Variants in GALNT1 observed in about 807,000 individuals in gnomAD.
GALNT1 encodes the protein GalNAc transferase 1.
A neutral mutation model predicts 65.7 loss-of-function variants in GALNT1; 17 were observed. That is an observed-to-expected ratio of 0.26 (90% CI 0.18 to 0.39). The LOEUF (loss-of-function observed/expected upper bound fraction) is 0.39, where lower values mean the gene tolerates loss of function less well. Among genes scored for constraint, GALNT1 ranks in the 10% least tolerant of loss-of-function variants. The pLI, the probability that GALNT1 is intolerant of heterozygous loss-of-function variation, is 1.00. For synonymous variants in GALNT1, 210 were observed against 219.7 expected, an observed-to-expected ratio of 0.96 and a Z score of 0.39; for missense variants, 460 against 672.8, an observed-to-expected ratio of 0.68 and a Z score of 3.50.
intron 9 of GALNT1, among the ~76,000 whole-genome samples, chr18:35,696,732 CAAAT>C (rs1214411724): frequency 6.6e-6 from 1 of 152,174 alleles, no homozygotes; most frequent in African/African-American, 2.4e-5. Flanking sequence ...AACTGAGACA[CAAAT>C]AAATGGTTTA....
chr18:35,673,928 G>A (rs1342903964), intron 3 of GALNT1, among the ~76,000 whole-genome samples: 2 of 152,078 alleles, frequency 1.3e-5, no homozygotes, highest in Non-Finnish European at 1.5e-5. Flanking sequence ...AACCTAGATG[G>A]TACAGCCTAC....
At chr18:35,692,130 T>TGTTA (rs1320178970) in intron 8 of GALNT1, 51 bp from the exon 9 acceptor site, 2 of 1,491,900 alleles carry the variant, frequency 1.3e-6, no homozygotes, top group East Asian at 4.6e-5. Flanking sequence ...TATAAACATG[T>TGTTA]GTTACCTAAA....
At chr18:35,624,064 C>T (rs1203343208) in intron 1 of GALNT1, among the ~76,000 whole-genome samples, 1 of 152,180 alleles carries the variant, frequency 6.6e-6, no homozygotes, top group East Asian at 1.9e-4. Context: ...AATTCTGCCT[C>T]CCTGGCATTG....
chr18:35,692,360 G>A, intron 9 of GALNT1, 40 bp downstream of exon 9: 5 of 1,262,690 alleles, frequency 4.0e-6, no homozygotes, highest in Non-Finnish European at 5.2e-6. Context: ...TGGTTATTAT[G>A]TTCTTACTTT....
At chr18:35,634,591 CAT>C (rs558357489) in intron 1 of GALNT1, among the ~76,000 whole-genome samples, 16 of 152,288 alleles carry the variant, frequency 1.1e-4, no homozygotes, top group African/African-American at 1.9e-4. Context: ...ATCGTGACAA[CAT>C]GTGTGAAATG....
chr18:35,618,162 G>T (rs1469540049), intron 1 of GALNT1, among the ~76,000 whole-genome samples: 3 of 151,680 alleles, frequency 2.0e-5, no homozygotes, highest in Non-Finnish European at 4.4e-5. Context: ...AGCATTATGT[G>T]CAGTACCATT....
intron 11 of GALNT1, 23 bp from the exon 12 acceptor site, chr18:35,709,601 T>A: frequency 1.2e-6 from 2 of 1,612,516 alleles, no homozygotes; most frequent in Non-Finnish European, 8.5e-7. Flanking sequence ...TCCACTCTCA[T>A]GTTAAGATTT....
chr18:35,606,238 C>A (rs1030331709), intron 1 of GALNT1, among the ~76,000 whole-genome samples: 9 of 152,194 alleles, frequency 5.9e-5, no homozygotes, highest in Admixed American at 1.3e-4. Context: ...CATGGCATTT[C>A]TGCTCACACT....
chr18:35,588,571 T>C (rs1035580649), intron 1 of GALNT1, among the ~76,000 whole-genome samples: 1 of 152,146 alleles, frequency 6.6e-6, no homozygotes, highest in African/African-American at 2.4e-5. Context: ...ATGACTGGAA[T>C]GTTCAGTCTT....
At chr18:35,618,590 T>TA (rs994123492) in intron 1 of GALNT1, among the ~76,000 whole-genome samples, 2 of 152,114 alleles carry the variant, frequency 1.3e-5, no homozygotes, top group Non-Finnish European at 2.9e-5. Flanking sequence ...ATTAGAATTT[T>TA]AAAAAATAAT....
At position 35,591,012 on chromosome 18, in the gene GALNT1, C is replaced by T. The variant is rs191777732; in HGVS notation, c.-104+9150C>T. Among the ~76,000 whole-genome samples, 144 of 152,268 alleles carry T rather than the reference C, an allele frequency of 9.5e-4. 1 individual carries two copies. Among genetic ancestry groups the T allele is most frequent in the African/African-American group, 3.0e-3 (125 of 41,548 alleles). The stretch of plus-strand genomic sequence containing the variant: ...TGGGGGCAAAAGATGACTAAAACAG[C>T]TCTGCCACTGGGGATAGGAAATAAG... On this transcript the variant is annotated intron_variant, in intron 1 of 11. Transcript: ENST00000269195.
intron 1 of GALNT1, among the ~76,000 whole-genome samples, chr18:35,653,777 A>T (rs1196137474): frequency 6.6e-6 from 1 of 152,242 alleles, no homozygotes; most frequent in South Asian, 2.1e-4. Context: ...TCATCATGGT[A>T]TAACATAATA....
At chr18:35,682,306 A>G (rs1340020972) in intron 4 of GALNT1, among the ~76,000 whole-genome samples, 2 of 151,928 alleles carry the variant, frequency 1.3e-5, no homozygotes, top group Non-Finnish European at 2.9e-5. Context: ...GTTGAGTCAA[A>G]TAGGCAAGAA....
intron 1 of GALNT1, among the ~76,000 whole-genome samples, chr18:35,612,046 G>A (rs574145364): frequency 5.9e-5 from 9 of 151,964 alleles, no homozygotes; most frequent in Non-Finnish European, 1.2e-4. Context: ...TTTATTATAT[G>A]TAATTATATC....
At chr18:35,657,552 C>G (rs1244467933) in intron 2 of GALNT1, among the ~76,000 whole-genome samples, 1 of 152,084 alleles carries the variant, frequency 6.6e-6, no homozygotes, top group Non-Finnish European at 1.5e-5. Context: ...GTTGGAGAGC[C>G]CCTCCTGGAG....
intron 3 of GALNT1, among the ~76,000 whole-genome samples, chr18:35,673,445 T>A (rs1419282604): frequency 6.6e-6 from 1 of 152,244 alleles, no homozygotes; most frequent in African/African-American, 2.4e-5. Context: ...TATTTAAGCC[T>A]CAGTTTCCTC....
At chr18:35,649,572 A>G (rs934651315) in intron 1 of GALNT1, among the ~76,000 whole-genome samples, 1 of 151,806 alleles carries the variant, frequency 6.6e-6, no homozygotes, top group Admixed American at 6.6e-5. Context: ...ATAAACAGAT[A>G]TTTTCTTAAT....
intron 3 of GALNT1, among the ~76,000 whole-genome samples, chr18:35,669,967 A>T (rs1039125781): frequency 6.6e-6 from 1 of 152,236 alleles, no homozygotes; most frequent in Non-Finnish European, 1.5e-5. Flanking sequence ...TATAACAAAA[A>T]TCCAAAAGAA....
intron 1 of GALNT1, among the ~76,000 whole-genome samples, chr18:35,634,398 G>A (rs147957442): frequency 1.3e-5 from 2 of 152,228 alleles, no homozygotes; most frequent in Admixed American, 6.5e-5. Context: ...AGACCCACCC[G>A]TAGGTTCAGT....
Sources: allele counts gnomAD v4.1 joint callset (sites outside exome capture counted in the v4.1 genomes callset), GRCh38; gene constraint gnomAD v4.1.1; transcripts MANE v1.5; gene names NCBI Gene and HGNC (gene_info 2026-07-23, HGNC 2026-07-21).